The following CTNNA2 variants were observed in gnomAD, a reference collection of about 807,000 sequenced individuals.
CTNNA2 encodes catenin alpha 2.
CTNNA2 carries 42 observed loss-of-function variants against 101.0 expected under a neutral mutation model. The ratio of observed to expected loss-of-function variants is 0.42; its 90% confidence interval spans 0.32 to 0.54. The LOEUF (loss-of-function observed/expected upper bound fraction) is 0.54, where lower values mean the gene tolerates loss of function less well. Ranked by LOEUF, CTNNA2 falls within the 20% of genes least tolerant of loss-of-function variation. The pLI, the probability that CTNNA2 is intolerant of heterozygous loss-of-function variation, is 0.14. For synonymous variants in CTNNA2, 450 were observed against 456.4 expected (o/e 0.99, Z 0.18); for missense variants, 871 against 1,223.1 (o/e 0.71, Z 4.29).
chr2:79,200,210 C>T (rs1208413980), intron 2 of CTNNA2, among the ~76,000 whole-genome samples: 1 of 151,904 alleles, frequency 6.6e-6, no homozygotes, highest in African/African-American at 2.4e-5. Context: ...ATGGTGAAAC[C>T]CCACCTCTAC....
At chr2:80,560,446 T>G (rs1044658447) in intron 12 of CTNNA2, among the ~76,000 whole-genome samples, 99 of 152,212 alleles carry the variant, frequency 6.5e-4, no homozygotes, top group Non-Finnish European at 1.3e-3. Context: ...GGACTTGGGT[T>G]TTTTCCTGTA....
chr2:79,815,049 T>C (rs1469903264), intron 3 of CTNNA2, among the ~76,000 whole-genome samples: 2 of 152,226 alleles, frequency 1.3e-5, no homozygotes, highest in East Asian at 1.9e-4. Context: ...TTTTTTCACA[T>C]GTTGGTTGGC....
At chr2:79,582,315 C>G (rs1053205293) in intron 1 of CTNNA2, among the ~76,000 whole-genome samples, 1 of 152,172 alleles carries the variant, frequency 6.6e-6, no homozygotes, top group Non-Finnish European at 1.5e-5. Context: ...TGTGTTCAAA[C>G]GTACACAAGA....
chr2:79,902,781 C>T (rs1256838288), intron 6 of CTNNA2, among the ~76,000 whole-genome samples: 2 of 152,078 alleles, frequency 1.3e-5, no homozygotes, highest in Admixed American at 1.3e-4. Flanking sequence ...TGTGTGCCAC[C>T]ATGCCCGGCT....
chr2:80,012,132 C>T (rs1297890575), intron 7 of CTNNA2, among the ~76,000 whole-genome samples: 1 of 152,148 alleles, frequency 6.6e-6, no homozygotes, highest in African/African-American at 2.4e-5. Context: ...TAAAGGCAGG[C>T]AGTGTCTCAT....
chr2:79,796,618 C>A (rs1675725364), intron 3 of CTNNA2, among the ~76,000 whole-genome samples: 1 of 152,142 alleles, frequency 6.6e-6, no homozygotes, highest in Admixed American at 6.5e-5. Context: ...CTCTGCCCAT[C>A]AGATGGAGCT....
At chr2:79,425,508 T>C (rs1558664020) in intron 4 of CTNNA2, among the ~76,000 whole-genome samples, 1 of 152,226 alleles carries the variant, frequency 6.6e-6, no homozygotes, top group East Asian at 1.9e-4. Flanking sequence ...CTCTAGAGGG[T>C]GGAAATGCTA....
chr2:79,835,689 T>TTTGTTTGTTTG, intron 3 of CTNNA2, among the ~76,000 whole-genome samples: 2 of 135,080 alleles, frequency 1.5e-5, no homozygotes, highest in African/African-American at 5.7e-5. Flanking sequence ...TTTTTTTTTT[T>TTTGTTTGTTTG]TTTTTTTTTT....
intron 1 of CTNNA2, among the ~76,000 whole-genome samples, chr2:79,565,556 G>T (rs1675058545): frequency 6.6e-6 from 1 of 152,158 alleles, no homozygotes; most frequent in Non-Finnish European, 1.5e-5. Context: ...ATTGGTGGTA[G>T]GCTGGAAACT....
intron 1 of CTNNA2, among the ~76,000 whole-genome samples, chr2:79,566,072 G>T (rs983917424): frequency 6.6e-6 from 1 of 152,020 alleles, no homozygotes; most frequent in African/African-American, 2.4e-5. Flanking sequence ...AAGTCTGTGG[G>T]CAATGGTGCC....
intron 1 of CTNNA2, among the ~76,000 whole-genome samples, chr2:79,581,279 ACTTT>A (rs1676130907): frequency 6.6e-6 from 1 of 152,190 alleles, no homozygotes; most frequent in South Asian, 2.1e-4. Context: ...TAATCCCAGC[ACTTT>A]GGGAGGCCAA....
chr2:80,253,264 T>G (rs1671900001), intron 7 of CTNNA2, among the ~76,000 whole-genome samples: 1 of 152,086 alleles, frequency 6.6e-6, no homozygotes. Context: ...GAAGAATCAG[T>G]TTGCACTATA....
intron 7 of CTNNA2, among the ~76,000 whole-genome samples, chr2:80,170,165 T>C (rs1202862902): frequency 6.6e-6 from 1 of 152,124 alleles, no homozygotes; most frequent in Non-Finnish European, 1.5e-5. Flanking sequence ...TAATGCATTT[T>C]CCAACTCTTA....
intron 7 of CTNNA2, among the ~76,000 whole-genome samples, chr2:80,153,311 T>C (rs1703817415): frequency 6.6e-6 from 1 of 152,202 alleles, no homozygotes; most frequent in African/African-American, 2.4e-5. Flanking sequence ...TCAGTATTTG[T>C]CATCCTGCCT....
chr2:80,553,361 A>C (rs1692756660), intron 11 of CTNNA2, among the ~76,000 whole-genome samples: 1 of 152,190 alleles, frequency 6.6e-6, no homozygotes, highest in Admixed American at 6.5e-5. Flanking sequence ...TGTTTTTGTT[A>C]TGGATTTCTA....
chr2:79,859,873 T>C (rs753767497), intron 4 of CTNNA2, among the ~76,000 whole-genome samples: 3 of 152,132 alleles, frequency 2.0e-5, no homozygotes, highest in Non-Finnish European at 2.9e-5. Context: ...ATCTCAGATA[T>C]CTCATCTGTT....
intron 7 of CTNNA2, among the ~76,000 whole-genome samples, chr2:80,029,654 T>C (rs1695162030): frequency 1.3e-5 from 2 of 151,718 alleles, no homozygotes; most frequent in South Asian, 4.2e-4. Flanking sequence ...TTTTTTTTTT[T>C]TTTTTTTTAA....
At chr2:79,939,437 C>T (rs112402308) in intron 7 of CTNNA2, among the ~76,000 whole-genome samples, 2 of 152,272 alleles carry the variant, frequency 1.3e-5, no homozygotes, top group African/African-American at 2.4e-5. Flanking sequence ...ATACACTGAA[C>T]TCATTTTGTT....
At chr2:80,452,483 A>T (rs1574072835) in intron 9 of CTNNA2, among the ~76,000 whole-genome samples, 1 of 151,610 alleles carries the variant, frequency 6.6e-6, no homozygotes, top group East Asian at 1.9e-4. Context: ...TTCCTAAATC[A>T]GTCAGGTCTC....
Sources: gnomAD v4.1 joint callset for allele counts (sites outside exome capture counted in the v4.1 genomes callset) on GRCh38, gnomAD v4.1.1 for gene constraint, MANE v1.5 for transcripts, NCBI Gene and HGNC (gene_info 2026-07-23, HGNC 2026-07-21) for gene names.